CSMD1: variants seen among roughly 807,000 people sequenced by gnomAD.
CSMD1 encodes CUB and Sushi multiple domains 1, also known as CUB and sushi domain-containing protein 1.
A neutral mutation model predicts 417.5 loss-of-function variants in CSMD1; 213 were observed. The ratio of observed to expected loss-of-function variants is 0.51; its 90% confidence interval spans 0.46 to 0.57. The LOEUF is 0.57. Among genes scored for constraint, CSMD1 ranks in the 20% least tolerant of loss-of-function variants. The probability of loss-of-function intolerance (pLI) is 0.00; values close to 1 mark genes in which losing one functional copy is unlikely to be tolerated. For synonymous variants in CSMD1, 2,862 were observed against 1,736.8 expected, an observed-to-expected ratio of 1.65 and a Z score of -16.11; for missense variants, 6,923 against 4,529.7, an observed-to-expected ratio of 1.53 and a Z score of -15.17.
At chr8:4,217,638 T>A (rs1234185171) in intron 3 of CSMD1, among the ~76,000 whole-genome samples, 1 of 147,766 alleles carries the variant, frequency 6.8e-6, no homozygotes, top group Non-Finnish European at 1.5e-5. Flanking sequence ...TTGAAAAAGT[T>A]GACTCAGTTG....
chr8:3,929,754 T>C (rs2129639792), intron 5 of CSMD1, among the ~76,000 whole-genome samples: 1 of 149,960 alleles, frequency 6.7e-6, no homozygotes, highest in African/African-American at 2.5e-5. Flanking sequence ...CTCAGCCTCC[T>C]GGATACAAGC....
chr8:3,236,747 C>G (rs770202027), intron 26 of CSMD1, among the ~76,000 whole-genome samples: 3 of 152,142 alleles, frequency 2.0e-5, no homozygotes, highest in Non-Finnish European at 4.4e-5. Context: ...AATATGTTTT[C>G]TGCAAATTGG....
intron 5 of CSMD1, among the ~76,000 whole-genome samples, chr8:3,772,604 CAT>C (rs1051782314): frequency 4.4e-5 from 6 of 137,720 alleles, no homozygotes; most frequent in East Asian, 2.0e-4. Context: ...CATATATACA[CAT>C]ATATTTATAT....
intron 5 of CSMD1, among the ~76,000 whole-genome samples, chr8:3,821,681 C>A (rs1026959373): frequency 6.6e-6 from 1 of 152,168 alleles, no homozygotes. Flanking sequence ...ACTCAGGAGG[C>A]TGAGGCAAGA....
intron 2 of CSMD1, among the ~76,000 whole-genome samples, chr8:4,506,618 T>C (rs139998073): frequency 1.2e-4 from 18 of 152,172 alleles, no homozygotes; most frequent in African/African-American, 4.3e-4. Context: ...GACTTTCACA[T>C]GAGCAACAAA....
intron 2 of CSMD1, among the ~76,000 whole-genome samples, chr8:4,450,001 T>G (rs1236174384): frequency 6.6e-6 from 1 of 152,170 alleles, no homozygotes; most frequent in Non-Finnish European, 1.5e-5. Context: ...GTCCTAGCCA[T>G]CTCTCCTGCT....
At chr8:4,349,081 G>C (rs1800938967) in intron 3 of CSMD1, among the ~76,000 whole-genome samples, 1 of 152,172 alleles carries the variant, frequency 6.6e-6, no homozygotes, top group African/African-American at 2.4e-5. Flanking sequence ...CTCATGAAAT[G>C]CTCAAATTAC....
intron 1 of CSMD1, among the ~76,000 whole-genome samples, chr8:4,880,356 G>A (rs150196529): frequency 2.0e-5 from 3 of 152,158 alleles, no homozygotes; most frequent in African/African-American, 7.2e-5. Context: ...AAATTTACTT[G>A]ACGTCTGAAC....
chr8:4,148,679 C>G (rs762597691), intron 3 of CSMD1, among the ~76,000 whole-genome samples: 1 of 152,112 alleles, frequency 6.6e-6, no homozygotes, highest in Non-Finnish European at 1.5e-5. Context: ...GCCCTCGTGT[C>G]TCTTCTAGTA....
chr8:3,359,897 G>A (rs1503283), intron 20 of CSMD1, among the ~76,000 whole-genome samples: 67,635 of 152,006 alleles, frequency 0.44, 15,135 homozygotes, highest in Admixed American at 0.55. Context: ...TAGAAGACAA[G>A]CAGACAAATA....
At chr8:4,520,143 G>C (rs139651182) in intron 2 of CSMD1, among the ~76,000 whole-genome samples, 1 of 152,132 alleles carries the variant, frequency 6.6e-6, no homozygotes, top group Non-Finnish European at 1.5e-5. Context: ...GAGCAAAGTG[G>C]TAGAGCTAAA....
chr8:4,953,664 T>C (rs1311716648), intron 1 of CSMD1, among the ~76,000 whole-genome samples: 12 of 152,220 alleles, frequency 7.9e-5, no homozygotes. Context: ...TTAAATGTTA[T>C]TCACATTAAG....
At chr8:3,270,042 T>A in intron 26 of CSMD1, among the ~76,000 whole-genome samples, 1 of 111,154 alleles carries the variant, frequency 9.0e-6, no homozygotes. Flanking sequence ...TTCTCTAACC[T>A]CTTCTTTTTT....
At chr8:3,887,150 G>C (rs562351266) in intron 5 of CSMD1, among the ~76,000 whole-genome samples, 1 of 152,246 alleles carries the variant, frequency 6.6e-6, no homozygotes, top group South Asian at 2.1e-4. Flanking sequence ...GAGGATGATG[G>C]CATGCGTAGA....
chr8:4,698,436 G>T (rs12545434), intron 1 of CSMD1, among the ~76,000 whole-genome samples: 28,070 of 151,992 alleles, frequency 0.18, 3,614 homozygotes, highest in East Asian at 0.41. Flanking sequence ...CAGGCTTGGT[G>T]TGATTCGCAA....
At chr8:4,283,838 G>A (rs866001091) in intron 3 of CSMD1, among the ~76,000 whole-genome samples, 1 of 152,118 alleles carries the variant, frequency 6.6e-6, no homozygotes, top group Non-Finnish European at 1.5e-5. Context: ...TGCCCCAGAA[G>A]CATGGCTAAC....
At chr8:4,549,183 T>A (rs1263090268) in intron 2 of CSMD1, among the ~76,000 whole-genome samples, 1 of 152,182 alleles carries the variant, frequency 6.6e-6, no homozygotes, top group East Asian at 1.9e-4. Context: ...TCCTCTCAGC[T>A]GACTTGATTT....
intron 2 of CSMD1, among the ~76,000 whole-genome samples, chr8:4,585,442 G>A (rs969354241): frequency 2.0e-5 from 3 of 152,048 alleles, no homozygotes; most frequent in Non-Finnish European, 4.4e-5. Flanking sequence ...CGTGGAATAT[G>A]GGCAAAATAA....
chr8:3,451,674 T>C (rs184118455), intron 12 of CSMD1, among the ~76,000 whole-genome samples: 1 of 152,304 alleles, frequency 6.6e-6, no homozygotes, highest in African/African-American at 2.4e-5. Flanking sequence ...CATTGGTCTA[T>C]ATCTCTGTTT....
Sources: allele counts gnomAD v4.1 joint callset (sites outside exome capture counted in the v4.1 genomes callset), GRCh38; gene constraint gnomAD v4.1.1; transcripts MANE v1.5; gene names NCBI Gene and HGNC (gene_info 2026-07-23, HGNC 2026-07-21).